SLC13A3: variants seen among roughly 807,000 people sequenced by gnomAD.
SLC13A3 encodes solute carrier family 13 member 3.
Under a neutral mutation model 59.0 loss-of-function variants are expected in SLC13A3, and 40 were observed. The ratio of observed to expected loss-of-function variants is 0.68; its 90% CI spans 0.53 to 0.88. SLC13A3 has a LOEUF of 0.88. SLC13A3 is among the 40% of genes least tolerant of loss of function. The pLI is 0.00. For synonymous variants in SLC13A3, 317 were observed against 330.3 expected (o/e 0.96, Z 0.44); for missense variants, 699 against 783.2 (o/e 0.89, Z 1.28).
chr20:46,576,706 G>C (rs1001566310), intron 9 of SLC13A3, among the ~76,000 whole-genome samples: 2 of 152,128 alleles, frequency 1.3e-5, no homozygotes, highest in African/African-American at 4.8e-5. Flanking sequence ...TTTCTTGGCA[G>C]GCTGTGACCA....
intron 1 of SLC13A3, among the ~76,000 whole-genome samples, chr20:46,678,605 T>C (rs931901185): frequency 3.9e-5 from 6 of 152,196 alleles, no homozygotes; most frequent in Admixed American, 2.6e-4. Flanking sequence ...AAAGCAGACA[T>C]TGTTGATGGG....
chr20:46,621,216 C>A (rs1192249220), intron 1 of SLC13A3, among the ~76,000 whole-genome samples: 10 of 152,226 alleles, frequency 6.6e-5, no homozygotes, highest in Non-Finnish European at 1.5e-4. Flanking sequence ...TCCTTCACCA[C>A]AGCAATGCTC....
intron 1 of SLC13A3, among the ~76,000 whole-genome samples, chr20:46,615,324 C>T (rs377595463): frequency 6.6e-6 from 1 of 152,230 alleles, no homozygotes; most frequent in Non-Finnish European, 1.5e-5. Context: ...CATCAAACAG[C>T]GCACCATCCT....
intron 3 of SLC13A3, chr20:46,609,110 C>T (rs1274596289): frequency 6.5e-7 from 1 of 1,532,506 alleles, no homozygotes; most frequent in Non-Finnish European, 8.8e-7. Flanking sequence ...CATTTCTGCC[C>T]ACATATGTAT....
intron 1 of SLC13A3, among the ~76,000 whole-genome samples, chr20:46,632,795 ATC>A (rs903019705): frequency 8.7e-5 from 13 of 150,218 alleles, no homozygotes; most frequent in East Asian, 3.9e-4. Context: ...AGTAATCTCT[ATC>A]TCTCTCTCTC....
At chr20:46,589,677 A>G (rs2062234213) in intron 6 of SLC13A3, among the ~76,000 whole-genome samples, 1 of 152,222 alleles carries the variant, frequency 6.6e-6, no homozygotes, top group Admixed American at 6.5e-5. Flanking sequence ...CAGAGTTGAG[A>G]GCCCAGAAAT....
intron 1 of SLC13A3, among the ~76,000 whole-genome samples, chr20:46,618,438 G>A (rs1347195650): frequency 1.3e-5 from 2 of 152,230 alleles, no homozygotes; most frequent in Non-Finnish European, 2.9e-5. Flanking sequence ...CCTTGCTATG[G>A]TCTCAGTGTT....
At chr20:46,592,963 TGAAAATGTTTTAATGAATGTGG>T (rs1460333841) in intron 5 of SLC13A3, among the ~76,000 whole-genome samples, 1 of 152,228 alleles carries the variant, frequency 6.6e-6, no homozygotes, top group Non-Finnish European at 1.5e-5. Context: ...TGACAATTCA[TGAAAATGTTTTAATGAATGTGG>T]GAGTCACATA....
At chr20:46,575,354 T>A (rs897364777) in intron 10 of SLC13A3, among the ~76,000 whole-genome samples, 3 of 152,240 alleles carry the variant, frequency 2.0e-5, no homozygotes, top group Admixed American at 2.0e-4. Context: ...TTGCCCATCA[T>A]GAGCTCCTTA....
At chr20:46,566,651 A>T (rs1204297254) in intron 10 of SLC13A3, among the ~76,000 whole-genome samples, 4 of 151,966 alleles carry the variant, frequency 2.6e-5, no homozygotes, top group Admixed American at 6.6e-5. Context: ...GGTCTCCAAT[A>T]ATCCATTTGG....
At chr20:46,672,671 C>T (rs1258535429), upstream of SLC13A3, among the ~76,000 whole-genome samples, 1 of 152,154 alleles carries the variant, frequency 6.6e-6, no homozygotes, top group Non-Finnish European at 1.5e-5. Context: ...GGAAGTGACC[C>T]GATACGGCTT....
chr20:46,580,131 T>G (rs1031715490), intron 9 of SLC13A3, among the ~76,000 whole-genome samples: 1 of 152,186 alleles, frequency 6.6e-6, no homozygotes, highest in Non-Finnish European at 1.5e-5. Context: ...AATTTTTGTA[T>G]TTTTAGTAGA....
intron 1 of SLC13A3, among the ~76,000 whole-genome samples, chr20:46,657,014 C>T (rs1219739943): frequency 2.0e-5 from 3 of 151,810 alleles, no homozygotes; most frequent in East Asian, 1.9e-4. Flanking sequence ...CTACTTTTTT[C>T]GTTTGTTTCC....
At chr20:46,574,196 A>G (rs578097813) in intron 10 of SLC13A3, among the ~76,000 whole-genome samples, 1 of 152,306 alleles carries the variant, frequency 6.6e-6, no homozygotes, top group East Asian at 1.9e-4. Flanking sequence ...ACTTCAAACA[A>G]TGGCTGGCAT....
In SLC13A3 at chr20:46,583,633, G is replaced by A. The variant is rs1461370859; in HGVS notation, c.1158C>T (p.Val386=). The A allele has an allele frequency of 6.2e-7, 1 of 1,613,960 alleles. No individual in the cohort carries two copies. Among genetic ancestry groups the A allele is most frequent in the East Asian group, 2.2e-5 (1 of 44,856 alleles). Reference sequence around the variant, plus strand: ...GGGACGGGAAGAAGAACAAGATGGTGACAATAGCCACGCCGGTGACAGCAT... The same window carrying A: ...GGGACGGGAAGAAGAACAAGATGGTAACAATAGCCACGCCGGTGACAGCAT... ...LSDAVTGVAI[V]TILFFFPSQR... The change falls in exon 9 of 13, where the codon GTC becomes GTT. Residue 386 remains valine (V), a synonymous_variant. Transcript: ENST00000279027.
At chr20:46,641,320 T>G (rs891005633) in intron 1 of SLC13A3, among the ~76,000 whole-genome samples, 3 of 152,182 alleles carry the variant, frequency 2.0e-5, no homozygotes, top group South Asian at 4.1e-4. Context: ...CAGGCACTAC[T>G]CTGGGTACAG....
chr20:46,624,341 C>A (rs2062646272), intron 1 of SLC13A3, among the ~76,000 whole-genome samples: 1 of 152,222 alleles, frequency 6.6e-6, no homozygotes, highest in Non-Finnish European at 1.5e-5. Context: ...ACTGCCCAAA[C>A]AACTGTACCT....
At chr20:46,673,371 T>C (rs2063103649), upstream of SLC13A3, among the ~76,000 whole-genome samples, 1 of 152,240 alleles carries the variant, frequency 6.6e-6, no homozygotes, top group Non-Finnish European at 1.5e-5. Context: ...GGCATTTACA[T>C]GAACGATCAG....
intron 2 of SLC13A3, among the ~76,000 whole-genome samples, chr20:46,612,085 C>T (rs1275302549): frequency 4.1e-5 from 5 of 121,464 alleles, no homozygotes; most frequent in South Asian, 2.6e-4. Context: ...TTCTTTCTGT[C>T]TTTTCTTTTC....
Sources: allele counts gnomAD v4.1 joint callset (sites outside exome capture counted in the v4.1 genomes callset), GRCh38; gene constraint gnomAD v4.1.1; transcripts MANE v1.5; gene names NCBI Gene and HGNC (gene_info 2026-07-23, HGNC 2026-07-21).